The following ABHD17C variants were observed in gnomAD, a reference collection of about 807,000 sequenced individuals.
The protein encoded by ABHD17C is alpha/beta hydrolase domain-containing protein 17C.
In ABHD17C, 11 loss-of-function variants were observed where a neutral mutation model predicts 27.9. The observed-to-expected ratio is 0.39, with a 90% CI of 0.25 to 0.65. The LOEUF (loss-of-function observed/expected upper bound fraction) is 0.65. ABHD17C is among the 30% of genes least tolerant of loss of function. The pLI is 0.45. For synonymous variants in ABHD17C, 233 were observed against 209.1 expected, an observed-to-expected ratio of 1.11 and a Z score of -0.98; for missense variants, 280 against 470.2, an observed-to-expected ratio of 0.60 and a Z score of 3.74.
intron 1 of ABHD17C, among the ~76,000 whole-genome samples, chr15:80,729,432 TTG>T (rs1377575245): frequency 6.6e-6 from 1 of 152,236 alleles, no homozygotes; most frequent in Non-Finnish European, 1.5e-5. Context: ...TTCTAATATG[TTG>T]TAGAAAAGGG....
intron 1 of ABHD17C, among the ~76,000 whole-genome samples, chr15:80,743,178 G>T (rs887795942): frequency 1.3e-5 from 2 of 152,144 alleles, no homozygotes; most frequent in African/African-American, 2.4e-5. Context: ...TCTGGGAGGG[G>T]TAAGAATCTG....
chr15:80,722,575 C>G (rs1234494844), intron 1 of ABHD17C, among the ~76,000 whole-genome samples: 1 of 151,164 alleles, frequency 6.6e-6, no homozygotes, highest in Non-Finnish European at 1.5e-5. Flanking sequence ...GTGGTAAGAG[C>G]ACTTTACATG....
chr15:80,733,026 C>T (rs993035240), intron 1 of ABHD17C, among the ~76,000 whole-genome samples: 1 of 152,154 alleles, frequency 6.6e-6, no homozygotes, highest in South Asian at 2.1e-4. Context: ...TCACTCACTG[C>T]CTATTTAATT....
At position 80,695,606 on chromosome 15, in the gene ABHD17C, G is replaced by A; in HGVS notation, c.177G>A (p.Pro59=). 5.2e-6 allele frequency: 6 copies of A among 1,144,928 alleles called. No individual in the cohort carries two copies. The highest frequency in any genetic ancestry group is 6.4e-6 in the Non-Finnish European group (6 of 934,416). 70.9% of individuals were successfully genotyped at this position (1,144,928 alleles called of 1,614,324 possible). A position where few individuals can be genotyped will look rare whatever the true frequency, so the allele number is the denominator to read the frequency against. The change falls in exon 1 of 3, where the codon CCG becomes CCA. Residue 59 remains proline, a synonymous_variant. Coordinates refer to ENST00000258884, the MANE Select transcript of ABHD17C (RefSeq NM_021214.2). The surrounding 1 kb of genome is among the most constrained non-coding windows in gnomAD (Gnocchi z 4.3). ...GCGCCGGCGCGTCCGCCCCGGCCCC[G>A]GCCCAGGCTACCGCCGCCGCCGCCG... ...QRGAGASAPA[P]AQATAAAAAA...
At chr15:80,739,828 G>A (rs1292721644) in intron 1 of ABHD17C, among the ~76,000 whole-genome samples, 1 of 150,266 alleles carries the variant, frequency 6.7e-6, no homozygotes, top group Non-Finnish European at 1.5e-5. Context: ...TGTGTCATTT[G>A]GGTATTTCCT....
At chr15:80,703,394 G>T (rs1220018728) in intron 1 of ABHD17C, 3 of 152,150 alleles carry the variant, frequency 2.0e-5, no homozygotes, top group Non-Finnish European at 4.4e-5. Context: ...CACACTTCTG[G>T]GCTTCACATT....
intron 1 of ABHD17C, among the ~76,000 whole-genome samples, chr15:80,743,966 C>T (rs1441553999): frequency 6.6e-6 from 1 of 152,128 alleles, no homozygotes; most frequent in Non-Finnish European, 1.5e-5. Context: ...CTGTTTTATT[C>T]TAAAATAAAG....
chr15:80,727,875 A>C (rs760664681), intron 1 of ABHD17C, among the ~76,000 whole-genome samples: 1 of 152,208 alleles, frequency 6.6e-6, no homozygotes, highest in Non-Finnish European at 1.5e-5. Flanking sequence ...TCTGCACTCC[A>C]GACTTCACTT....
chr15:80,699,008 T>G (rs1227832979), intron 1 of ABHD17C, among the ~76,000 whole-genome samples: 1 of 152,242 alleles, frequency 6.6e-6, no homozygotes, highest in African/African-American at 2.4e-5. Context: ...CTCAGGACTT[T>G]GCCCCACTCT....
At chr15:80,724,685 C>T (rs1334004817) in intron 1 of ABHD17C, among the ~76,000 whole-genome samples, 1 of 152,168 alleles carries the variant, frequency 6.6e-6, no homozygotes, top group African/African-American at 2.4e-5. Context: ...GAGTTGCCCC[C>T]AAGCTCTGTG....
intron 1 of ABHD17C, among the ~76,000 whole-genome samples, chr15:80,717,284 AGCTAATACTTTTCATC>A (rs1894817493): frequency 6.9e-6 from 1 of 145,720 alleles, no homozygotes; most frequent in South Asian, 2.1e-4. Context: ...GTTTTGGCAT[AGCTAATACTTTTCATC>A]TTTGCCTCAT....
At chr15:80,720,216 T>G (rs989127742) in intron 1 of ABHD17C, among the ~76,000 whole-genome samples, 1 of 152,046 alleles carries the variant, frequency 6.6e-6, no homozygotes, top group African/African-American at 2.4e-5. Context: ...TTTTGGAACC[T>G]TTCACTTTCT....
At position 80,695,395 on chromosome 15, in the gene ABHD17C, C is replaced by G; in HGVS notation, c.-35C>G. The G allele has an allele frequency of 1.7e-6, 2 of 1,186,608 alleles. No individual in the cohort carries two copies. The highest frequency in any genetic ancestry group is 2.1e-6 in the Non-Finnish European group (2 of 950,368). 73.5% of individuals were successfully genotyped at this position (1,186,608 alleles called of 1,614,324 possible). ...CCTCCCGGGCCAGCCAGCCAGCCAG[C>G]CAGCCGGGCCGGCGGCGGGCACCAG... On this transcript the variant is annotated 5_prime_UTR_variant, in exon 1 of 3. Coordinates refer to ENST00000258884, the MANE Select transcript of ABHD17C (RefSeq NM_021214.2). This position sits in a 1 kb window ranked among gnomAD's most constrained non-coding sequence, Gnocchi z 4.3.
chr15:80,736,246 A>T (rs939590414), intron 1 of ABHD17C, among the ~76,000 whole-genome samples: 2 of 152,238 alleles, frequency 1.3e-5, no homozygotes, highest in Non-Finnish European at 2.9e-5. Flanking sequence ...ATGCTAAAAA[A>T]TTTTCCAAAT....
chr15:80,734,620 T>G (rs1895103196), intron 1 of ABHD17C, among the ~76,000 whole-genome samples: 1 of 152,184 alleles, frequency 6.6e-6, no homozygotes, highest in Non-Finnish European at 1.5e-5. Context: ...TAAAATGAAG[T>G]CATCATGTCA....
chr15:80,701,374 T>C (rs759600935), intron 1 of ABHD17C, among the ~76,000 whole-genome samples: 3 of 151,892 alleles, frequency 2.0e-5, no homozygotes, highest in Non-Finnish European at 4.4e-5. Flanking sequence ...TTTGACTGAT[T>C]AGGGAACAGA....
At chr15:80,708,822 T>A (rs1367798304) in intron 1 of ABHD17C, among the ~76,000 whole-genome samples, 3 of 152,238 alleles carry the variant, frequency 2.0e-5, no homozygotes, top group Admixed American at 2.0e-4. Flanking sequence ...GAGGCCTTGT[T>A]AAAATAGATG....
chr15:80,721,605 C>T lies in ABHD17C; in HGVS notation c.590+25586C>T, dbSNP rs72736109. Among the ~76,000 whole-genome samples the T allele has an allele frequency of 6.6e-3, 1,000 of 152,292 alleles. 12 individuals carry two copies. Among genetic ancestry groups the T allele is most frequent in the Non-Finnish European group, 0.01 (685 of 68,036 alleles). On this transcript the variant is annotated intron_variant, in intron 1 of 2. Transcript: ENST00000258884. Reference sequence around the variant, plus strand: ...CCGTAAATGCTATCGTCATTGTCATCGTCATCACAGGCAAAATAGCAGATG... The same window carrying T: ...CCGTAAATGCTATCGTCATTGTCATTGTCATCACAGGCAAAATAGCAGATG...
intron 1 of ABHD17C, among the ~76,000 whole-genome samples, chr15:80,705,333 T>TTTGTGTGTGTG (rs10523879): frequency 2.7e-4 from 29 of 106,820 alleles, no homozygotes; most frequent in Non-Finnish European, 4.6e-4. Flanking sequence ...TTCCTATGAT[T>TTTGTGTGTGTG]TGTGTGTGTG....
Sources: gnomAD v4.1 joint callset for allele counts (sites outside exome capture counted in the v4.1 genomes callset) on GRCh38, gnomAD v4.1.1 for gene constraint, Gnocchi (gnomAD v3.1) non-coding constraint, MANE v1.5 for transcripts, NCBI Gene and HGNC (gene_info 2026-07-23, HGNC 2026-07-21) for gene names.